The following LRP1B variants were observed in gnomAD, a reference collection of about 807,000 sequenced individuals.
LRP1B encodes low-density lipoprotein receptor-related protein 1B.
In LRP1B, 217 loss-of-function variants were observed where a neutral mutation model predicts 556.6. That is an observed-to-expected ratio of 0.39 (90% CI 0.35 to 0.44). The LOEUF (loss-of-function observed/expected upper bound fraction) is 0.44. Ranked by LOEUF, LRP1B falls within the 20% of genes least tolerant of loss-of-function variation. The pLI, the probability that LRP1B is intolerant of heterozygous loss-of-function variation, is 1.00. For missense variants in LRP1B, 5,053 were observed against 5,620.8 expected, an observed-to-expected ratio of 0.90 and a Z score of 3.23; for synonymous variants, 2,047 against 1,865.8, an observed-to-expected ratio of 1.10 and a Z score of -2.50.
In LRP1B at chr2:140,516,889, C is replaced by G. The variant is rs1689927155; in HGVS notation, c.8149G>C (p.Asp2717His). ...CEDGRDEFHC[D>H]SSCSWNQFAC... ...AACTAAGCTAAATACAATGTCTCAC[C>G]ACAGTGGAATTCATCACGTCCATCC... The change falls in exon 50 of 91, where the codon GAT becomes CAT. Residue 2717 changes from aspartate to histidine, a missense_variant and splice_region_variant. Asp to His is a moderately conservative substitution (Grantham distance 81). Transcript: ENST00000389484. The G allele has an allele frequency of 6.2e-7, 1 of 1,613,022 alleles. No homozygotes were observed. The highest frequency in any genetic ancestry group is 8.5e-7 in the Non-Finnish European group (1 of 1,179,598).
At chr2:140,295,789 A>G (rs1683577840) in intron 84 of LRP1B, among the ~76,000 whole-genome samples, 2 of 65,838 alleles carry the variant, frequency 3.0e-5, no homozygotes, top group Non-Finnish European at 6.5e-5. Flanking sequence ...AAAAATCTCA[A>G]TAAATGTGAC....
chr2:141,799,437 C>T (rs553122198), intron 2 of LRP1B, among the ~76,000 whole-genome samples: 107 of 152,170 alleles, frequency 7.0e-4, no homozygotes, highest in African/African-American at 2.5e-3. Flanking sequence ...GGGTTGCACG[C>T]CAAGACATGT....
intron 25 of LRP1B, among the ~76,000 whole-genome samples, chr2:140,870,451 C>T (rs1312740021): frequency 1.3e-5 from 2 of 152,090 alleles, no homozygotes; most frequent in Non-Finnish European, 2.9e-5. Context: ...ACCATCTGGT[C>T]CTCTGATTCT....
intron 43 of LRP1B, among the ~76,000 whole-genome samples, chr2:140,577,416 A>G (rs1681569742): frequency 1.5e-5 from 2 of 133,408 alleles, no homozygotes; most frequent in African/African-American, 2.6e-5. Flanking sequence ...TTTATCCACT[A>G]CTGAATTTTT....
At chr2:140,331,706 T>TAA (rs961398980) in intron 79 of LRP1B, among the ~76,000 whole-genome samples, 19 of 146,966 alleles carry the variant, frequency 1.3e-4, no homozygotes, top group Middle Eastern at 3.6e-3. Context: ...TATATATATA[T>TAA]AATTTTAAAA....
chr2:140,583,614 C>T (rs1296508504), intron 43 of LRP1B, among the ~76,000 whole-genome samples: 2 of 151,852 alleles, frequency 1.3e-5, no homozygotes, highest in Non-Finnish European at 2.9e-5. Flanking sequence ...ATGTATCTTA[C>T]TGACTTTAGT....
intron 3 of LRP1B, among the ~76,000 whole-genome samples, chr2:141,410,544 G>A (rs1033901796): frequency 3.3e-5 from 5 of 151,976 alleles, no homozygotes; most frequent in Admixed American, 6.6e-5. Context: ...AAACCATCGC[G>A]TGTGTCTGTG....
chr2:140,426,068 G>A (rs984771301), intron 66 of LRP1B, among the ~76,000 whole-genome samples: 10 of 152,160 alleles, frequency 6.6e-5, no homozygotes, highest in African/African-American at 2.4e-4. Flanking sequence ...TACAAACTGA[G>A]CCCAATGCTG....
intron 89 of LRP1B, among the ~76,000 whole-genome samples, chr2:140,235,676 A>G (rs1263589582): frequency 1.3e-5 from 2 of 151,130 alleles, no homozygotes; most frequent in African/African-American, 4.8e-5. Flanking sequence ...ACATTAAAAT[A>G]TATTTGGGGG....
chr2:140,547,948 C>A (rs1307636050), intron 43 of LRP1B, among the ~76,000 whole-genome samples: 1 of 149,858 alleles, frequency 6.7e-6, no homozygotes, highest in Non-Finnish European at 1.5e-5. Flanking sequence ...GTTACTTTTC[C>A]CTGTAATCAG....
intron 6 of LRP1B, chr2:141,208,064 A>G (rs904155199): frequency 6.6e-6 from 1 of 152,224 alleles, no homozygotes; most frequent in South Asian, 2.1e-4. Flanking sequence ...TTTCTCTACC[A>G]TTCAGTTCTG....
chr2:141,939,503 T>C (rs935367824), intron 1 of LRP1B, among the ~76,000 whole-genome samples: 1 of 152,018 alleles, frequency 6.6e-6, no homozygotes, highest in Non-Finnish European at 1.5e-5. Context: ...GAGAGATAAT[T>C]ACAAAATTTT....
At chr2:141,665,438 G>A (rs1222267666) in intron 2 of LRP1B, among the ~76,000 whole-genome samples, 2 of 152,252 alleles carry the variant, frequency 1.3e-5, no homozygotes, top group Non-Finnish European at 2.9e-5. Context: ...AATAGATGCT[G>A]GTGAGTCTGT....
At chr2:140,575,295 C>G (rs1681476082) in intron 43 of LRP1B, among the ~76,000 whole-genome samples, 1 of 152,116 alleles carries the variant, frequency 6.6e-6, no homozygotes, top group Non-Finnish European at 1.5e-5. Context: ...TTTCCAACAG[C>G]TATATTATTT....
At chr2:141,597,555 T>C (rs1687569365) in intron 2 of LRP1B, among the ~76,000 whole-genome samples, 1 of 152,140 alleles carries the variant, frequency 6.6e-6, no homozygotes, top group African/African-American at 2.4e-5. Context: ...TTTAAATTTG[T>C]TGCAAGTTGT....
chr2:142,078,557 T>C (rs747295853), intron 1 of LRP1B, among the ~76,000 whole-genome samples: 2 of 152,190 alleles, frequency 1.3e-5, no homozygotes, highest in African/African-American at 2.4e-5. Context: ...ATGTATCCTC[T>C]CTCTTCCTCA....
Position 140,886,263 on chromosome 2 carries a change from T to C in LRP1B, c.3839A>G (p.Tyr1280Cys). 6.2e-7 allele frequency: 1 copy of C among 1,609,972 alleles called. No individual in the cohort carries two copies. The highest frequency in any genetic ancestry group is 8.5e-7 in the Non-Finnish European group (1 of 1,176,934). The change falls in exon 24 of 91, where the codon TAT becomes TGT. Residue 1280 changes from tyrosine (Y) to cysteine (C), a missense_variant. By Grantham distance (194) the Tyr-to-Cys change is radical. Transcript: ENST00000389484. ...IRRIDLHKRD[Y>C]SLLVPGLRNT... The stretch of plus-strand genomic sequence containing the variant: ...TCTCAATCCAGGAACAAGTAGACTA[T>C]AGTCTCTTTTGTGAAGATCAATCCT...
intron 2 of LRP1B, among the ~76,000 whole-genome samples, chr2:141,658,595 A>C (rs1218595861): frequency 6.6e-6 from 1 of 152,154 alleles, no homozygotes; most frequent in East Asian, 1.9e-4. Flanking sequence ...GCAGCTATAC[A>C]ACTCCCGCTG....
intron 2 of LRP1B, among the ~76,000 whole-genome samples, chr2:141,611,698 C>T (rs954704733): frequency 1.3e-5 from 2 of 152,152 alleles, no homozygotes; most frequent in East Asian, 3.9e-4. Flanking sequence ...TAAATGGCCT[C>T]TAGATGTGGT....
Sources: allele counts gnomAD v4.1 joint callset (sites outside exome capture counted in the v4.1 genomes callset), GRCh38; gene constraint gnomAD v4.1.1; transcripts MANE v1.5; gene names NCBI Gene and HGNC (gene_info 2026-07-23, HGNC 2026-07-21).